The following PDE10A variants were observed in gnomAD, a reference collection of about 807,000 sequenced individuals.
PDE10A encodes phosphodiesterase 10A, also known as cAMP and cAMP-inhibited cGMP 3',5'-cyclic phosphodiesterase 10A.
Under a neutral mutation model 97.7 loss-of-function variants are expected in PDE10A, and 39 were observed. The observed-to-expected ratio is 0.40, with a 90% confidence interval of 0.31 to 0.52. PDE10A has a LOEUF of 0.52. PDE10A is among the 20% of genes least tolerant of loss of function. The pLI is 0.56. For missense variants in PDE10A, 731 were observed against 1,047.8 expected (o/e 0.70, Z 4.17); for synonymous variants, 371 against 376.8 (o/e 0.98, Z 0.18).
intron 1 of PDE10A, among the ~76,000 whole-genome samples, chr6:165,823,497 TA>T (rs1779633151): frequency 3.6e-5 from 3 of 83,682 alleles, no homozygotes; most frequent in Non-Finnish European, 5.6e-5. Context: ...TATATATATA[TA>T]TATATATATA....
At chr6:165,493,261 A>C (rs1780329886) in intron 2 of PDE10A, among the ~76,000 whole-genome samples, 1 of 152,134 alleles carries the variant, frequency 6.6e-6, no homozygotes, top group African/African-American at 2.4e-5. Context: ...CCAGACTGCC[A>C]AAAGTAATCT....
intron 18 of PDE10A, among the ~76,000 whole-genome samples, chr6:165,376,146 T>C (rs916038244): frequency 6.6e-6 from 1 of 152,192 alleles, no homozygotes; most frequent in Non-Finnish European, 1.5e-5. Flanking sequence ...ATTCCTCCAA[T>C]GAATGTGGGA....
chr6:165,916,304 C>G (rs1486948957), intron 1 of PDE10A, among the ~76,000 whole-genome samples: 1 of 152,210 alleles, frequency 6.6e-6, no homozygotes, highest in South Asian at 2.1e-4. Context: ...AAGTTCGATT[C>G]CACACGTTCT....
chr6:165,877,251 G>C (rs904944780), intron 1 of PDE10A, among the ~76,000 whole-genome samples: 1 of 152,080 alleles, frequency 6.6e-6, no homozygotes, highest in Non-Finnish European at 1.5e-5. Flanking sequence ...TTTTGCTCTC[G>C]TGATAAATTC....
At chr6:165,898,392 G>A (rs113064067) in intron 1 of PDE10A, among the ~76,000 whole-genome samples, 1 of 152,172 alleles carries the variant, frequency 6.6e-6, no homozygotes, top group African/African-American at 2.4e-5. Flanking sequence ...CAAGGTGCCA[G>A]GCACCACCCT....
At chr6:165,595,663 T>C (rs887941978) in intron 1 of PDE10A, among the ~76,000 whole-genome samples, 1 of 152,164 alleles carries the variant, frequency 6.6e-6, no homozygotes, top group African/African-American at 2.4e-5. Flanking sequence ...GACTGGATAA[T>C]CTAGGAACAA....
chr6:165,891,747 A>C (rs1286654847), intron 1 of PDE10A, among the ~76,000 whole-genome samples: 2 of 152,114 alleles, frequency 1.3e-5, no homozygotes, highest in African/African-American at 4.8e-5. Context: ...TGGAAATAAA[A>C]TTCAAGGCAT....
chr6:165,733,396 A>G (rs555717840), intron 1 of PDE10A, among the ~76,000 whole-genome samples: 82 of 152,286 alleles, frequency 5.4e-4, no homozygotes, highest in Non-Finnish European at 9.7e-4. Flanking sequence ...TTGTGGTGTG[A>G]TCCGATACTG....
intron 1 of PDE10A, among the ~76,000 whole-genome samples, chr6:165,783,684 A>G (rs1780393293): frequency 6.6e-6 from 1 of 152,214 alleles, no homozygotes; most frequent in African/African-American, 2.4e-5. Context: ...AGTCCTTTAC[A>G]AACCCTTACC....
Position 165,339,444 on chromosome 6 carries a change from CTTAA to C in PDE10A, c.2896-90_2896-87del, listed in dbSNP as rs550999199. On this transcript the variant is annotated intron_variant, in intron 19 of 21. Transcript: ENST00000539869. Reference sequence around the variant, plus strand: ...TATTATTGAATTATTCCCTTTATTCCTTAATTTTCTTCAAAACAAATAATGTTTG... The same window carrying C: ...TATTATTGAATTATTCCCTTTATTCCTTTTCTTCAAAACAAATAATGTTTG... The C allele has an allele frequency of 1.1e-3, 929 of 834,698 alleles. 3 individuals are homozygous for C. Among genetic ancestry groups the C allele is most frequent in the South Asian group, 2.7e-3 (182 of 67,758 alleles). 51.7% of individuals were successfully genotyped at this position (834,698 alleles called of 1,614,324 possible).
chr6:165,915,546 G>A (rs1782583045), intron 1 of PDE10A, among the ~76,000 whole-genome samples: 1 of 152,112 alleles, frequency 6.6e-6, no homozygotes, highest in Non-Finnish European at 1.5e-5. Flanking sequence ...GAAGGGGTAG[G>A]CTCCTCCCCT....
intron 1 of PDE10A, among the ~76,000 whole-genome samples, chr6:165,931,697 T>A (rs1209340175): frequency 2.6e-5 from 4 of 152,094 alleles, no homozygotes; most frequent in Non-Finnish European, 4.4e-5. Flanking sequence ...GAAGCCAAGG[T>A]CTATGTGGAA....
chr6:165,455,235 A>G, intron 3 of PDE10A, among the ~76,000 whole-genome samples: 1 of 152,156 alleles, frequency 6.6e-6, no homozygotes, highest in East Asian at 1.9e-4. Context: ...TCCACTGAGG[A>G]GTACCAATCA....
At chr6:165,347,593 A>T (rs1370213020) in intron 18 of PDE10A, among the ~76,000 whole-genome samples, 2 of 152,214 alleles carry the variant, frequency 1.3e-5, no homozygotes, top group East Asian at 3.9e-4. Flanking sequence ...TAAAGTTAAT[A>T]CCAGAGTATT....
intron 2 of PDE10A, among the ~76,000 whole-genome samples, chr6:165,508,533 C>G (rs773953592): frequency 2.6e-5 from 4 of 151,940 alleles, no homozygotes; most frequent in African/African-American, 4.8e-5. Flanking sequence ...TTTCATTTAT[C>G]TTCAGTAAAT....
chr6:165,985,815 C>T lies in PDE10A; in HGVS notation c.-615+1714G>A, dbSNP rs942767140. On this transcript the variant is annotated intron_variant, in intron 1 of 19. Coordinates refer to the PDE10A transcript ENST00000366882. ...AACAGTCAGCTGTCCCCAGTCAATA[C>T]CTCTTGGCCTCTTCCCTTCCCACCC... Among the ~76,000 whole-genome samples, 5 of 152,298 alleles carry T rather than the reference C, an allele frequency of 3.3e-5. No homozygotes were observed. The East Asian group carries it at 9.7e-4, about 29-fold the overall frequency.
intron 1 of PDE10A, among the ~76,000 whole-genome samples, chr6:165,582,213 T>A (rs1411020172): frequency 6.6e-6 from 1 of 152,170 alleles, no homozygotes; most frequent in East Asian, 1.9e-4. Context: ...GTGCTAATAT[T>A]TGAAGGCAGA....
intron 18 of PDE10A, among the ~76,000 whole-genome samples, chr6:165,348,617 C>T (rs1163424826): frequency 6.6e-6 from 1 of 151,960 alleles, no homozygotes; most frequent in Non-Finnish European, 1.5e-5. Flanking sequence ...CATTACGTTT[C>T]CTCTCTCTCT....
intron 1 of PDE10A, among the ~76,000 whole-genome samples, chr6:165,976,602 C>T (rs975815839): frequency 2.0e-4 from 31 of 152,320 alleles, no homozygotes; most frequent in African/African-American, 7.5e-4. Context: ...ACTCTGGCTA[C>T]CACTTCACAC....
Sources: gnomAD v4.1 joint callset for allele counts (sites outside exome capture counted in the v4.1 genomes callset) on GRCh38, gnomAD v4.1.1 for gene constraint, MANE v1.5 for transcripts, NCBI Gene and HGNC (gene_info 2026-07-23, HGNC 2026-07-21) for gene names.